The following AGBL4 variants were observed in gnomAD, a reference collection of about 807,000 sequenced individuals.
AGBL4 encodes the protein AGBL carboxypeptidase 4.
Under a neutral mutation model 66.4 loss-of-function variants are expected in AGBL4, and 58 were observed. The ratio of observed to expected loss-of-function variants is 0.87; its 90% CI spans 0.71 to 1.09. AGBL4 has a LOEUF of 1.09. AGBL4 is among the 50% of genes least tolerant of loss of function. AGBL4 has a pLI of 0.00. For synonymous variants in AGBL4, 234 were observed against 222.9 expected (o/e 1.05, Z -0.44); for missense variants, 579 against 631.0 (o/e 0.92, Z 0.88).
chr1:48,732,195 T>C (rs1011573290), intron 6 of AGBL4, among the ~76,000 whole-genome samples: 8 of 151,936 alleles, frequency 5.3e-5, no homozygotes, highest in Admixed American at 1.3e-4. Flanking sequence ...ACAGGGAACA[T>C]AGAAGAGGCA....
intron 2 of AGBL4, among the ~76,000 whole-genome samples, chr1:49,817,146 G>T (rs1366694563): frequency 6.6e-6 from 1 of 152,118 alleles, no homozygotes; most frequent in African/African-American, 2.4e-5. Flanking sequence ...TTATAATTAG[G>T]AATTGAAATA....
chr1:49,851,455 G>T lies in AGBL4; in HGVS notation c.98C>A (p.Thr33Asn), dbSNP rs1274264883. The change falls in exon 2 of 14, where the codon ACT becomes AAT. Residue 33 changes from threonine (T) to asparagine (N), a missense_variant. Thr to Asn is a moderately conservative substitution (Grantham distance 65, BLOSUM62 0). Coordinates refer to ENST00000371839, the MANE Select transcript of AGBL4 (RefSeq NM_032785.4). ...GNVSKYIVLPTGYCGQPKKGH... is the reference protein window; with the variant it reads ...GNVSKYIVLPNGYCGQPKKGH... ...TTTCTTGGGCTGTCCACAATAGCCA[G>T]TTGGAAGCACTATATATTTGCTCAC... 1.3e-6 allele frequency: 2 copies of T among 1,550,484 alleles called. No homozygotes were observed. The highest frequency in any genetic ancestry group is 3.9e-5 in the Admixed American group (2 of 50,888).
At position 49,700,336 on chromosome 1, in the gene AGBL4, TAGATAGAC is replaced by T. The variant is rs1412199845; in HGVS notation, c.158-2907_158-2900del. Among the ~76,000 whole-genome samples the T allele has an allele frequency of 1.4e-4, 20 of 138,986 alleles. No individual in the cohort carries two copies. The East Asian group carries it at 2.2e-3, about 15-fold the overall frequency. 91.2% of individuals were successfully genotyped at this position (138,986 alleles called of 152,430 possible). ...ATAGATAGATAGATAGATAGATAGA[TAGATAGAC>T]AGATAGATCTTTAAAGTATGTAAGT... is the stretch of plus-strand genomic sequence containing the variant. On this transcript the variant is annotated intron_variant, in intron 2 of 13. Coordinates refer to ENST00000371839, the MANE Select transcript of AGBL4 (RefSeq NM_032785.4).
At chr1:49,754,782 T>C (rs557676000) in intron 2 of AGBL4, among the ~76,000 whole-genome samples, 1 of 152,342 alleles carries the variant, frequency 6.6e-6, no homozygotes, top group Admixed American at 6.5e-5. Flanking sequence ...CTGCTGAAGC[T>C]TGCCCATGGA....
intron 3 of AGBL4, among the ~76,000 whole-genome samples, chr1:49,339,902 T>C: frequency 6.6e-6 from 1 of 152,198 alleles, no homozygotes; most frequent in East Asian, 1.9e-4. Flanking sequence ...ATCTGTAAAG[T>C]GGTGCCATGA....
At chr1:49,685,516 C>T (rs894545528) in intron 3 of AGBL4, among the ~76,000 whole-genome samples, 3 of 152,190 alleles carry the variant, frequency 2.0e-5, no homozygotes, top group African/African-American at 4.8e-5. Context: ...TACACTCTCA[C>T]CAGCAGTGTA....
chr1:49,118,607 T>A (rs541211338), intron 4 of AGBL4, among the ~76,000 whole-genome samples: 123 of 152,320 alleles, frequency 8.1e-4, no homozygotes, highest in African/African-American at 2.8e-3. Context: ...TGTCAGTATT[T>A]TATTGAGGAT....
intron 3 of AGBL4, among the ~76,000 whole-genome samples, chr1:49,557,131 T>C (rs879674969): frequency 1.1e-4 from 16 of 152,016 alleles, no homozygotes; most frequent in Admixed American, 1.0e-3. Flanking sequence ...GGCTGCAGCC[T>C]TGGCCAGCCC....
chr1:48,837,711 CTATATATATA>C lies in AGBL4; in HGVS notation c.634+29470_634+29479del, dbSNP rs58650623. 4.6e-4 allele frequency among the ~76,000 whole-genome samples: 38 copies of C among 82,304 alleles called. 1 individual carries two copies. The highest frequency in any genetic ancestry group is 1.3e-3 in the African/African-American group (30 of 22,452). The allele number at this position is 82,304 out of a possible 152,430, so 54.0% of individuals were successfully genotyped here. On this transcript the variant is annotated intron_variant, in intron 6 of 13. Transcript: ENST00000371839. ...ACGCACACACACGCACACACACACA[CTATATATATA>C]TATATATATATATATATATATCCTG...
intron 1 of AGBL4, among the ~76,000 whole-genome samples, chr1:49,900,189 G>A (rs1649634573): frequency 1.3e-5 from 2 of 152,220 alleles, no homozygotes; most frequent in South Asian, 2.1e-4. Flanking sequence ...AGAAGCTAGT[G>A]TCTCCTAATG....
At chr1:49,586,668 G>T (rs922329944) in intron 3 of AGBL4, among the ~76,000 whole-genome samples, 6 of 151,954 alleles carry the variant, frequency 3.9e-5, no homozygotes, top group African/African-American at 1.5e-4. Context: ...CTGACTGAAT[G>T]AATGAATGAA....
chr1:48,531,831 G>A (rs569189156), downstream of AGBL4, among the ~76,000 whole-genome samples: 78 of 152,060 alleles, frequency 5.1e-4, 1 homozygote, highest in Non-Finnish European at 4.0e-4. Context: ...GCTGGAGTGC[G>A]GTGGCATGAT....
At chr1:49,548,590 A>T (rs1164819644) in intron 3 of AGBL4, among the ~76,000 whole-genome samples, 2 of 152,150 alleles carry the variant, frequency 1.3e-5, no homozygotes, top group African/African-American at 2.4e-5. Flanking sequence ...ATTGACTTGC[A>T]TATGTTAAAC....
At chr1:49,349,708 A>G (rs1214070057) in intron 3 of AGBL4, among the ~76,000 whole-genome samples, 1 of 152,170 alleles carries the variant, frequency 6.6e-6, no homozygotes, top group African/African-American at 2.4e-5. Context: ...GCTGAATTAT[A>G]TCCCCCAAAA....
chr1:49,672,791 G>A (rs1016031722), intron 3 of AGBL4, among the ~76,000 whole-genome samples: 5 of 151,256 alleles, frequency 3.3e-5, no homozygotes, highest in South Asian at 2.1e-4. Flanking sequence ...GCGTGGTGGC[G>A]GGCACCTGTA....
intron 3 of AGBL4, among the ~76,000 whole-genome samples, chr1:49,305,386 A>T (rs1644830833): frequency 6.6e-6 from 1 of 152,200 alleles, no homozygotes; most frequent in Non-Finnish European, 1.5e-5. Context: ...AAAGCCTCAC[A>T]GCTGGCCCTG....
chr1:48,691,075 G>A (rs1410224572), intron 6 of AGBL4, among the ~76,000 whole-genome samples: 4 of 145,512 alleles, frequency 2.7e-5, no homozygotes, highest in African/African-American at 1.0e-4. Context: ...TGAGGCAGAA[G>A]AATCACTTTA....
rs929666070 is a variant in AGBL4, at chr1:49,699,458, G to A, written c.158-2021C>T. On this transcript the variant is annotated intron_variant, in intron 2 of 13. Transcript: ENST00000371839. ...TCTCTTTCATTAAATGAAACACAAG[G>A]AAAGAAAACAAACACAATCTAAAAT... 4.6e-5 allele frequency among the ~76,000 whole-genome samples: 7 copies of A among 151,970 alleles called. No homozygotes were observed. The South Asian group carries it at 6.2e-4, about 14-fold the overall frequency.
At chr1:49,090,788 T>C (rs1644989358) in intron 4 of AGBL4, among the ~76,000 whole-genome samples, 1 of 152,166 alleles carries the variant, frequency 6.6e-6, no homozygotes, top group African/African-American at 2.4e-5. Context: ...AAGGCAATCC[T>C]AAGCAAAAGG....
Sources: allele counts gnomAD v4.1 joint callset (sites outside exome capture counted in the v4.1 genomes callset), GRCh38; gene constraint gnomAD v4.1.1; transcripts MANE v1.5; gene names NCBI Gene and HGNC (gene_info 2026-07-23, HGNC 2026-07-21).